CALCR: variants seen among roughly 807,000 people sequenced by gnomAD.
The protein encoded by CALCR is calcitonin receptor.
Under a neutral mutation model 59.5 loss-of-function variants are expected in CALCR, and 47 were observed. The observed-to-expected ratio is 0.79, with a 90% confidence interval of 0.63 to 1.01. CALCR has a LOEUF of 1.01. CALCR is among the 50% of genes least tolerant of loss of function. The probability of loss-of-function intolerance (pLI) is 0.00; values close to 1 mark genes in which losing one functional copy is unlikely to be tolerated. For synonymous variants in CALCR, 213 were observed against 211.3 expected (o/e 1.01, Z -0.07); for missense variants, 566 against 597.1 (o/e 0.95, Z 0.54).
At chr7:93,573,105 G>A (rs916117553) in intron 2 of CALCR, among the ~76,000 whole-genome samples, 1 of 151,958 alleles carries the variant, frequency 6.6e-6, no homozygotes, top group Non-Finnish European at 1.5e-5. Context: ...TCATAATACT[G>A]GTGTATAACC....
rs78680457 is a variant in CALCR at position 93,441,320 on chromosome 7, T to C, written c.802+2284A>G. Among the ~76,000 whole-genome samples, 932 of 152,028 alleles carry C rather than the reference T, an allele frequency of 6.1e-3. 6 individuals are homozygous for C. Among genetic ancestry groups the C allele is most frequent in the African/African-American group, 0.022 (902 of 41,484 alleles). The stretch of plus-strand genomic sequence containing the variant: ...AATCTGGCAGAAAGTATGTGTGTGT[T>C]TGTGTGTGTGTTTGGGGTGGAATGT... On this transcript the variant is annotated intron_variant, in intron 9 of 13. Coordinates refer to ENST00000426151, the MANE Select transcript of CALCR (RefSeq NM_001742.4).
At chr7:93,563,141 G>A (rs751041387) in intron 2 of CALCR, among the ~76,000 whole-genome samples, 1 of 152,134 alleles carries the variant, frequency 6.6e-6, no homozygotes, top group Non-Finnish European at 1.5e-5. Context: ...GAGTGCCAAG[G>A]TAGTCATCAT....
At position 93,541,962 on chromosome 7, in the gene CALCR, G is replaced by C. The variant is rs538478133; in HGVS notation, c.-27+32327C>G. On this transcript the variant is annotated intron_variant, in intron 2 of 13. Coordinates refer to ENST00000426151, the MANE Select transcript of CALCR (RefSeq NM_001742.4). ...CTGGTTTTTTTTGGATATAAACACA[G>C]TATGGCTGATTACATAAAATTTGGA... Among the ~76,000 whole-genome samples, 11 of 152,194 alleles carry C rather than the reference G, an allele frequency of 7.2e-5. No individual in the cohort carries two copies. The East Asian group carries it at 2.1e-3, about 29-fold the overall frequency.
chr7:93,469,441 T>C (rs572233651), intron 6 of CALCR, among the ~76,000 whole-genome samples: 4 of 151,830 alleles, frequency 2.6e-5, no homozygotes, highest in African/African-American at 7.2e-5. Flanking sequence ...TTTTTCCTAG[T>C]AATCACAGTC....
intron 2 of CALCR, among the ~76,000 whole-genome samples, chr7:93,509,921 C>G (rs1801507696): frequency 6.6e-6 from 1 of 152,072 alleles, no homozygotes; most frequent in African/African-American, 2.4e-5. Context: ...ATTTGTTTGA[C>G]CTAAAACTTC....
intron 2 of CALCR, among the ~76,000 whole-genome samples, chr7:93,524,857 A>G (rs1038187649): frequency 6.6e-6 from 1 of 152,128 alleles, no homozygotes; most frequent in African/African-American, 2.4e-5. Flanking sequence ...TTTTGTCCCT[A>G]CTGGTTTCTA....
Position 93,546,843 on chromosome 7 carries a change from G to A in CALCR, c.-27+27446C>T, listed in dbSNP as rs565675665. On this transcript the variant is annotated intron_variant, in intron 2 of 13. Coordinates refer to ENST00000426151, the MANE Select transcript of CALCR (RefSeq NM_001742.4). ...CCCAAAGTGCTGGGATTACAGGCTT[G>A]AGCCACCACACCCTGCACGACTTCT... Among the ~76,000 whole-genome samples the A allele has an allele frequency of 2.2e-4, 34 of 152,016 alleles. No individual in the cohort carries two copies. In the South Asian group the frequency reaches 7.1e-3, roughly 32 times the overall value.
chr7:93,430,078 C>A (rs1799626319), intron 13 of CALCR, among the ~76,000 whole-genome samples: 1 of 143,196 alleles, frequency 7.0e-6, no homozygotes, highest in African/African-American at 2.6e-5. Context: ...ACTACAAGGG[C>A]CTGCCACCAA....
At chr7:93,539,733 C>T (rs1789082042) in intron 2 of CALCR, among the ~76,000 whole-genome samples, 1 of 152,120 alleles carries the variant, frequency 6.6e-6, no homozygotes, top group Non-Finnish European at 1.5e-5. Flanking sequence ...AAAGGCAGAG[C>T]ATTCTATGGC....
At chr7:93,491,762 T>A (rs1801083004) in intron 2 of CALCR, among the ~76,000 whole-genome samples, 1 of 151,716 alleles carries the variant, frequency 6.6e-6, no homozygotes, top group South Asian at 2.1e-4. Context: ...TAGATGCTGG[T>A]GAGGCTGTGG....
At chr7:93,568,879 T>A (rs1789932957) in intron 2 of CALCR, among the ~76,000 whole-genome samples, 1 of 152,054 alleles carries the variant, frequency 6.6e-6, no homozygotes, top group Non-Finnish European at 1.5e-5. Context: ...CCAAAGACAT[T>A]ATTTTTTTTT....
intron 2 of CALCR, among the ~76,000 whole-genome samples, chr7:93,559,350 T>A (rs1789687641): frequency 6.6e-6 from 1 of 152,064 alleles, no homozygotes; most frequent in African/African-American, 2.4e-5. Flanking sequence ...TTTCCATGAT[T>A]GCTGTTCAGC....
intron 2 of CALCR, among the ~76,000 whole-genome samples, chr7:93,539,057 T>A (rs1250492152): frequency 3.9e-5 from 6 of 152,178 alleles, no homozygotes; most frequent in Non-Finnish European, 5.9e-5. Flanking sequence ...ATAGATCTTA[T>A]ATGCTTTATT....
intron 2 of CALCR, among the ~76,000 whole-genome samples, chr7:93,531,887 G>GT (rs912786276): frequency 6.6e-6 from 1 of 151,726 alleles, no homozygotes; most frequent in Non-Finnish European, 1.5e-5. Context: ...TATCATAAAG[G>GT]TTTTTTTAAA....
chr7:93,506,191 G>C (rs1801421351), intron 2 of CALCR, among the ~76,000 whole-genome samples: 2 of 152,122 alleles, frequency 1.3e-5, no homozygotes, highest in South Asian at 4.1e-4. Flanking sequence ...ACGAACCCCA[G>C]TTATTTACCC....
chr7:93,549,757 A>G (rs1344369747), intron 2 of CALCR, among the ~76,000 whole-genome samples: 1 of 152,230 alleles, frequency 6.6e-6, no homozygotes, highest in Non-Finnish European at 1.5e-5. Flanking sequence ...CAATGCAGCT[A>G]TGTATCTTTA....
chr7:93,548,671 GA>G (rs36087372), intron 2 of CALCR, among the ~76,000 whole-genome samples: 25 of 140,162 alleles, frequency 1.8e-4, no homozygotes, highest in Middle Eastern at 3.6e-3. Context: ...AAGAAAAACA[GA>G]AAAAAAAAAC....
chr7:93,488,582 G>GAAAA (rs1554401502), intron 2 of CALCR, among the ~76,000 whole-genome samples: 4 of 78,026 alleles, frequency 5.1e-5, no homozygotes, highest in Admixed American at 1.5e-4. Context: ...CAAATGGAAA[G>GAAAA]AAAAAAAAAA....
chr7:93,465,230 T>C lies in CALCR; in HGVS notation c.521+3485A>G, dbSNP rs550493383. Among the ~76,000 whole-genome samples the C allele has an allele frequency of 4.9e-4, 74 of 152,096 alleles. 1 individual carries two copies. The highest frequency in any genetic ancestry group is 1.7e-3 in the African/African-American group (72 of 41,532). The stretch of plus-strand genomic sequence containing the variant: ...TTCCACAGAAAAGTAAATTGATAAA[T>C]TGTAATTGAAATTTATGGATAAGTA... On this transcript the variant is annotated intron_variant, in intron 7 of 13. Coordinates refer to ENST00000426151, the MANE Select transcript of CALCR (RefSeq NM_001742.4).
Sources: gnomAD v4.1 joint callset for allele counts (sites outside exome capture counted in the v4.1 genomes callset) on GRCh38, gnomAD v4.1.1 for gene constraint, MANE v1.5 for transcripts, NCBI Gene and HGNC (gene_info 2026-07-23, HGNC 2026-07-21) for gene names.